DSE: variants seen among roughly 807,000 people sequenced by gnomAD.
DSE encodes the protein dermatan-sulfate epimerase.
Under a neutral mutation model 84.4 loss-of-function variants are expected in DSE, and 36 were observed. That is an observed-to-expected ratio of 0.43 (90% CI 0.33 to 0.56). The LOEUF (loss-of-function observed/expected upper bound fraction) is 0.56. DSE is among the 20% of genes least tolerant of loss of function. The pLI, the probability that DSE is intolerant of heterozygous loss-of-function variation, is 0.06. For synonymous variants in DSE, 410 were observed against 430.1 expected, an observed-to-expected ratio of 0.95 and a Z score of 0.58; for missense variants, 862 against 1,169.6, an observed-to-expected ratio of 0.74 and a Z score of 3.84.
chr6:116,377,143 TC>T (rs1242926404), intron 1 of DSE, among the ~76,000 whole-genome samples: 1 of 152,240 alleles, frequency 6.6e-6, no homozygotes, highest in Admixed American at 6.5e-5. Context: ...TTTGAAATAT[TC>T]GTAGAGTTTT....
intron 2 of DSE, chr6:116,279,097 T>C (rs759753191): frequency 1.2e-6 from 2 of 1,613,758 alleles, no homozygotes; most frequent in Admixed American, 3.3e-5. Flanking sequence ...CCTGTCGGCC[T>C]GAGCATTCAC....
chr6:116,313,905 A>AG (rs1323946856), intron 2 of DSE, among the ~76,000 whole-genome samples: 1 of 152,212 alleles, frequency 6.6e-6, no homozygotes, highest in Non-Finnish European at 1.5e-5. Flanking sequence ...TTGCTAACTT[A>AG]TGTCCTGAAT....
At chr6:116,384,991 G>A (rs1250669193) in intron 1 of DSE, among the ~76,000 whole-genome samples, 2 of 152,212 alleles carry the variant, frequency 1.3e-5, no homozygotes, top group African/African-American at 4.8e-5. Flanking sequence ...AGTCATTGCA[G>A]ACCTCACTGA....
At chr6:116,298,864 A>G (rs748682014) in intron 2 of DSE, among the ~76,000 whole-genome samples, 9 of 152,224 alleles carry the variant, frequency 5.9e-5, no homozygotes, top group Non-Finnish European at 1.3e-4. Flanking sequence ...TACACTAGCC[A>G]TTCATTAACA....
At chr6:116,338,219 C>CTTTTTTTTTT (rs893312210) in intron 2 of DSE, among the ~76,000 whole-genome samples, 11 of 91,218 alleles carry the variant, frequency 1.2e-4, no homozygotes, top group African/African-American at 2.8e-4. Context: ...TTTCTTCTTT[C>CTTTTTTTTTT]TTTTTTTTTT....
intron 2 of DSE, among the ~76,000 whole-genome samples, chr6:116,329,374 A>G (rs1275703747): frequency 6.6e-6 from 1 of 152,256 alleles, no homozygotes; most frequent in African/African-American, 2.4e-5. Flanking sequence ...AATCATTACA[A>G]GCTTTGGAGA....
chr6:116,407,500 G>A (rs1782011709), intron 2 of DSE, among the ~76,000 whole-genome samples: 1 of 152,200 alleles, frequency 6.6e-6, no homozygotes, highest in Non-Finnish European at 1.5e-5. Flanking sequence ...GATAACCTTA[G>A]CAGGTATCTT....
chr6:116,372,590 T>C (rs1779669070), intron 1 of DSE, among the ~76,000 whole-genome samples: 1 of 152,154 alleles, frequency 6.6e-6, no homozygotes, highest in South Asian at 2.1e-4. Flanking sequence ...AAATAAAATA[T>C]AGGATTATCT....
intron 1 of DSE, among the ~76,000 whole-genome samples, chr6:116,371,671 T>C (rs1457352095): frequency 6.6e-6 from 1 of 152,192 alleles, no homozygotes; most frequent in Non-Finnish European, 1.5e-5. Context: ...TCCCAGACGC[T>C]GGATTCCAGC....
chr6:116,317,942 G>T (rs1004135164), intron 2 of DSE, among the ~76,000 whole-genome samples: 3 of 152,142 alleles, frequency 2.0e-5, no homozygotes, highest in Non-Finnish European at 2.9e-5. Flanking sequence ...GGTCAGTTTG[G>T]TTCTTTATTA....
At chr6:116,431,597 G>GT (rs1050056460) in intron 4 of DSE, among the ~76,000 whole-genome samples, 1 of 151,876 alleles carries the variant, frequency 6.6e-6, no homozygotes, top group African/African-American at 2.4e-5. Context: ...TTGGTTTTCA[G>GT]TTTTTTCTTT....
rs1330748589 is a variant in DSE, at chr6:116,441,577, G to C, written c.*4232G>C. 2 of 152,146 alleles carry C rather than the reference G, an allele frequency of 1.3e-5. No individual in the cohort carries two copies. The highest frequency in any genetic ancestry group is 4.8e-5 in the African/African-American group (2 of 41,422). The allele number at this position is 152,146 out of a possible 1,614,324, so 9.4% of individuals were successfully genotyped here. A position where few individuals can be genotyped will look rare whatever the true frequency, so the allele number is the denominator to read the frequency against. On this transcript the variant is annotated 3_prime_UTR_variant, in exon 6 of 6. Coordinates refer to ENST00000644252, the MANE Select transcript of DSE (RefSeq NM_013352.4). ...CTTTATACTTATTGGAAGATAATAG[G>C]TGCTATGGAAGGAAAAGTCAGGGTA...
At chr6:116,327,400 T>C (rs1583024592) in intron 2 of DSE, among the ~76,000 whole-genome samples, 1 of 152,308 alleles carries the variant, frequency 6.6e-6, no homozygotes, top group East Asian at 1.9e-4. Context: ...AGGGACAGCG[T>C]TAGGAAAAAC....
At chr6:116,278,364 G>A (rs1198353375) in intron 2 of DSE, 22 of 925,074 alleles carry the variant, frequency 2.4e-5, no homozygotes, top group Non-Finnish European at 3.7e-5. Flanking sequence ...TCAATCTTGA[G>A]GTTGAGAGAA....
At chr6:116,413,686 A>C (rs1782522390) in intron 2 of DSE, among the ~76,000 whole-genome samples, 1 of 152,178 alleles carries the variant, frequency 6.6e-6, no homozygotes, top group Admixed American at 6.5e-5. Context: ...TTTCAGCAAA[A>C]CCTTTAAAAA....
intron 2 of DSE, among the ~76,000 whole-genome samples, chr6:116,326,090 C>T (rs1488251793): frequency 6.6e-6 from 1 of 152,116 alleles, no homozygotes; most frequent in Non-Finnish European, 1.5e-5. Context: ...AACTACCAGG[C>T]CCAGGGTGTG....
At chr6:116,357,209 C>T (rs1382615581) in intron 2 of DSE, among the ~76,000 whole-genome samples, 2 of 152,070 alleles carry the variant, frequency 1.3e-5, no homozygotes, top group African/African-American at 4.8e-5. Flanking sequence ...GGTGGTGAGC[C>T]CCTCCCTGGC....
chr6:116,278,376 T>C, intron 2 of DSE: 1 of 1,068,358 alleles, frequency 9.4e-7, no homozygotes, highest in Non-Finnish European at 1.4e-6. Flanking sequence ...TTGAGAGAAC[T>C]GAATATCCAA....
intron 2 of DSE, among the ~76,000 whole-genome samples, chr6:116,317,495 ACT>A (rs1776053162): frequency 6.6e-6 from 1 of 152,078 alleles, no homozygotes; most frequent in Non-Finnish European, 1.5e-5. Context: ...CTTGTGCTGA[ACT>A]CTCTAACCCA....
Sources: allele counts gnomAD v4.1 joint callset (sites outside exome capture counted in the v4.1 genomes callset), GRCh38; gene constraint gnomAD v4.1.1; transcripts MANE v1.5; gene names NCBI Gene and HGNC (gene_info 2026-07-23, HGNC 2026-07-21).